CDK5RAP2: variants seen among roughly 807,000 people sequenced by gnomAD.
The protein encoded by CDK5RAP2 is CDK5 regulatory subunit associated protein 2, also known as CDK5 regulatory subunit-associated protein 2.
CDK5RAP2 carries 147 observed loss-of-function variants against 232.9 expected under a neutral mutation model. The ratio of observed to expected loss-of-function variants is 0.63; its 90% CI spans 0.55 to 0.72. CDK5RAP2 has a LOEUF of 0.72. CDK5RAP2 is among the 30% of genes least tolerant of loss of function. The pLI, the probability that CDK5RAP2 is intolerant of heterozygous loss-of-function variation, is 0.00. For synonymous variants in CDK5RAP2, 833 were observed against 833.7 expected (o/e 1.00, Z 0.01); for missense variants, 2,195 against 2,231.5 (o/e 0.98, Z 0.33).
intron 24 of CDK5RAP2, 91 bp downstream of exon 24, chr9:120,439,308 T>A (rs2131325774): frequency 1.9e-6 from 2 of 1,061,528 alleles, no homozygotes; most frequent in Middle Eastern, 2.6e-4. Flanking sequence ...CATCACAGAG[T>A]AGTGTTCTCT....
chr9:120,510,429 T>C (rs981633882), intron 12 of CDK5RAP2, among the ~76,000 whole-genome samples: 1 of 152,122 alleles, frequency 6.6e-6, no homozygotes, highest in Admixed American at 6.5e-5. Flanking sequence ...TATATGTTGC[T>C]TATAAAGGAG....
At chr9:120,408,216 A>G in intron 31 of CDK5RAP2, 131 bp downstream of exon 31, 1 of 1,013,506 alleles carries the variant, frequency 9.9e-7, no homozygotes, top group Non-Finnish European at 1.5e-6. Flanking sequence ...GCTAGCTTCA[A>G]CACCCATCCA....
chr9:120,498,408 C>A (rs1288561585), intron 12 of CDK5RAP2, among the ~76,000 whole-genome samples: 1 of 152,172 alleles, frequency 6.6e-6, no homozygotes, highest in Non-Finnish European at 1.5e-5. Flanking sequence ...CTCTTCAAAC[C>A]AGTCAAGGTC....
chr9:120,521,293 A>C (rs1479124444), intron 11 of CDK5RAP2, among the ~76,000 whole-genome samples: 1 of 152,232 alleles, frequency 6.6e-6, no homozygotes. Flanking sequence ...TTTGCAACGC[A>C]CAAACAGGCT....
At position 120,407,026 on chromosome 9, in the gene CDK5RAP2, T is replaced by G. The variant is rs899237196; in HGVS notation, c.4949A>C (p.Gln1650Pro). 4.3e-6 allele frequency: 7 copies of G among 1,613,660 alleles called. No individual in the cohort carries two copies. In the African/African-American group the frequency reaches 9.3e-5, roughly 22 times the overall value. The change falls in exon 32 of 38, where the codon CAG (glutamine) becomes CCG (proline). Residue 1650 changes from glutamine to proline, a missense_variant. By Grantham distance (76) the Gln-to-Pro change is moderately conservative. Coordinates refer to ENST00000349780, the MANE Select transcript of CDK5RAP2 (RefSeq NM_018249.6). The part of the protein sequence containing the change: ...QAVSIPEVPL[Q>P]PDKHDGDKYP... ...AGGGGCAGTACCGTGTTTGTCAGGC[T>G]GAAGGGGCACCTCAGGGATGGACAC...
chr9:120,555,299 G>GT (rs2042186798), intron 3 of CDK5RAP2, among the ~76,000 whole-genome samples: 1 of 151,970 alleles, frequency 6.6e-6, no homozygotes, highest in Non-Finnish European at 1.5e-5. Context: ...GCTCGGCTAA[G>GT]TTTTTGTATT....
At chr9:120,479,622 ACAC>A (rs2038199194) in intron 14 of CDK5RAP2, among the ~76,000 whole-genome samples, 1 of 152,214 alleles carries the variant, frequency 6.6e-6, no homozygotes, top group Admixed American at 6.5e-5. Context: ...CAGCAAGAAA[ACAC>A]CAGACAAACA....
intron 12 of CDK5RAP2, 26 bp downstream of exon 12, chr9:120,518,401 T>C: frequency 6.3e-7 from 1 of 1,594,376 alleles, no homozygotes; most frequent in African/African-American, 1.3e-5. Flanking sequence ...CTGTCCACTG[T>C]GTCAGAAGGG....
chr9:120,437,401 C>G lies in CDK5RAP2; in HGVS notation c.3849G>C (p.Glu1283Asp), dbSNP rs1371371910. ...AATCCACATCACTGGCCTGCAGCAA[C>G]TCCTCAAATGCCTTAATCATGGTGT... ...HMNTMIKAFE[E>D]LLQASDVDYC... is the part of the protein sequence containing the mutation. Residue 1283 changes from glutamate to aspartate, a missense_variant, in exon 25 of 38, where the codon GAG (glutamate) becomes GAC (aspartate). Coordinates refer to ENST00000349780, the MANE Select transcript of CDK5RAP2 (RefSeq NM_018249.6). 1.2e-6 allele frequency: 2 copies of G among 1,614,028 alleles called. No homozygotes were observed. The highest frequency in any genetic ancestry group is 1.7e-6 in the Non-Finnish European group (2 of 1,179,996).
chr9:120,412,277 G>A (rs1185510117), intron 28 of CDK5RAP2, among the ~76,000 whole-genome samples: 1 of 152,200 alleles, frequency 6.6e-6, no homozygotes, highest in Admixed American at 6.5e-5. Context: ...CCTACTGTGT[G>A]CAAGGTGCCT....
In CDK5RAP2 at chr9:120,580,011, TGGC is replaced by T. The variant is rs1564400783; in HGVS notation, c.-36_-34del. On this transcript the variant is annotated 5_prime_UTR_variant, in exon 1 of 38. Transcript: ENST00000349780. ...GAGGTGGCGACAGCGTTGGTGTCTG[TGGC>T]GGCGGCGCCACTAGTACCCCCCGCG... 1 of 1,489,102 alleles carries T rather than the reference TGGC, an allele frequency of 6.7e-7. No individual in the cohort carries two copies. The highest frequency in any genetic ancestry group is 9.3e-7 in the Non-Finnish European group (1 of 1,069,656). The allele number at this position is 1,489,102 out of a possible 1,614,324, so 92.2% of individuals were successfully genotyped here. A position where few individuals can be genotyped will look rare whatever the true frequency, so the allele number is the denominator to read the frequency against.
chr9:120,435,215 C>T (rs2035507221), intron 25 of CDK5RAP2, among the ~76,000 whole-genome samples: 1 of 152,008 alleles, frequency 6.6e-6, no homozygotes, highest in African/African-American at 2.4e-5. Context: ...CTTTAATAAA[C>T]AAATCTTAAA....
At chr9:120,411,764 G>T (rs116751828) in intron 28 of CDK5RAP2, among the ~76,000 whole-genome samples, 3 of 152,116 alleles carry the variant, frequency 2.0e-5, no homozygotes, top group East Asian at 1.9e-4. Context: ...CTTTCCCGAG[G>T]TCAAAATTCA....
chr9:120,577,360 CA>C (rs34908774), intron 1 of CDK5RAP2, among the ~76,000 whole-genome samples: 104,192 of 125,390 alleles, frequency 0.83, 42,945 homozygotes, highest in Non-Finnish European at 0.91. Context: ...GACCCTGTCT[CA>C]AAAAAAAAAA....
chr9:120,394,147 G>A (rs1388276137), intron 36 of CDK5RAP2, among the ~76,000 whole-genome samples: 6 of 152,132 alleles, frequency 3.9e-5, no homozygotes, highest in East Asian at 1.9e-4. Flanking sequence ...ATGTGACGAC[G>A]TCTGCTTTCA....
Position 120,519,123 on chromosome 9 carries a change from G to A in CDK5RAP2, c.1093-478C>T, listed in dbSNP as rs374288471. Among the ~76,000 whole-genome samples, 64 of 151,150 alleles carry A rather than the reference G, an allele frequency of 4.2e-4. No individual in the cohort carries two copies. In the South Asian group the frequency reaches 4.6e-3, roughly 11 times the overall value. On this transcript the variant is annotated intron_variant, in intron 11 of 37. Transcript: ENST00000349780. ...CCGGAGGCGGAGGTTGCAGTGAGCC[G>A]AGATCGTACCACTGCACTCCAGCCT...
intron 3 of CDK5RAP2, among the ~76,000 whole-genome samples, chr9:120,552,356 G>C (rs1476202309): frequency 6.6e-6 from 1 of 152,034 alleles, no homozygotes; most frequent in Non-Finnish European, 1.5e-5. Flanking sequence ...TATACCCAAA[G>C]GATTATAAAT....
intron 12 of CDK5RAP2, among the ~76,000 whole-genome samples, chr9:120,509,265 T>C (rs949948413): frequency 6.6e-6 from 1 of 152,220 alleles, no homozygotes; most frequent in Non-Finnish European, 1.5e-5. Flanking sequence ...CAACATTTAT[T>C]AATCAACACC....
intron 9 of CDK5RAP2, among the ~76,000 whole-genome samples, 174 bp downstream of exon 9, chr9:120,528,570 T>A (rs1298974338): frequency 1.3e-5 from 2 of 152,166 alleles, no homozygotes. Flanking sequence ...CTTCACAGAG[T>A]TATTGCAAAG....
Sources: gnomAD v4.1 joint callset for allele counts (sites outside exome capture counted in the v4.1 genomes callset) on GRCh38, gnomAD v4.1.1 for gene constraint, MANE v1.5 for transcripts, NCBI Gene and HGNC (gene_info 2026-07-23, HGNC 2026-07-21) for gene names.